WDR93: variants seen among roughly 807,000 people sequenced by gnomAD.
WDR93 encodes WD repeat domain 93, also known as WD repeat-containing protein 93.
In WDR93, 73 loss-of-function variants were observed where a neutral mutation model predicts 82.9. The observed-to-expected ratio is 0.88, with a 90% CI of 0.73 to 1.07. The LOEUF (loss-of-function observed/expected upper bound fraction) is 1.07, where lower values mean the gene tolerates loss of function less well. Ranked by LOEUF, WDR93 falls within the 50% of genes least tolerant of loss-of-function variation. The pLI is 0.00. For missense variants in WDR93, 738 were observed against 826.0 expected (o/e 0.89, Z 1.31); for synonymous variants, 283 against 300.1 (o/e 0.94, Z 0.59).
intron 14 of WDR93, among the ~76,000 whole-genome samples, chr15:89,737,197 T>G (rs1185617492): frequency 1.3e-5 from 2 of 152,156 alleles, no homozygotes; most frequent in South Asian, 2.1e-4. Flanking sequence ...GAGGGGCTGT[T>G]AGATTGAGCA....
intron 1 of WDR93, among the ~76,000 whole-genome samples, chr15:89,694,967 G>C (rs1248483232): frequency 6.6e-6 from 1 of 152,086 alleles, no homozygotes; most frequent in Admixed American, 6.6e-5. Context: ...CTTTGTGCTT[G>C]TGTCAAAAAT....
chr15:89,717,123 G>A (rs1442470905), intron 7 of WDR93, among the ~76,000 whole-genome samples, 174 bp downstream of exon 7: 7 of 139,492 alleles, frequency 5.0e-5, no homozygotes, highest in Admixed American at 3.8e-4. Flanking sequence ...GCAATGGAGC[G>A]ATCTTGGCTC....
In WDR93 at chr15:89,735,857, C is replaced by T. The variant is rs1168247444; in HGVS notation, c.1608+304C>T. 2.0e-5 allele frequency among the ~76,000 whole-genome samples: 3 copies of T among 152,112 alleles called. No homozygotes were observed. In the East Asian group the frequency reaches 5.8e-4, roughly 29 times the overall value. ...TAACTCAACCTGCAGAAGTTGGCAG[C>T]AGGGGAGGACTGTGTTTTCTGGAGG... On this transcript the variant is annotated intron_variant, in intron 14 of 16. Transcript: ENST00000268130.
At chr15:89,735,626 T>C in intron 14 of WDR93, 73 bp downstream of exon 14, 3 of 1,490,194 alleles carry the variant, frequency 2.0e-6, no homozygotes, top group Non-Finnish European at 2.8e-6. Flanking sequence ...TCATCTGTCC[T>C]TTAGAAAATG....
At chr15:89,703,227 G>A in intron 3 of WDR93, 85 bp downstream of exon 3, 1 of 1,476,056 alleles carries the variant, frequency 6.8e-7, no homozygotes, top group Non-Finnish European at 9.4e-7. Context: ...AGGTATTGGT[G>A]GGGCCAGGCA....
intron 14 of WDR93, 110 bp downstream of exon 14, chr15:89,735,663 G>A: frequency 9.1e-7 from 1 of 1,101,250 alleles, no homozygotes; most frequent in South Asian, 1.3e-5. Context: ...TATGTGTTAG[G>A]CACTGGACTA....
intron 1 of WDR93, among the ~76,000 whole-genome samples, chr15:89,700,455 A>G (rs1845329020): frequency 6.6e-6 from 1 of 152,082 alleles, no homozygotes; most frequent in African/African-American, 2.4e-5. Flanking sequence ...ACCCTACTCC[A>G]CTATATATTA....
intron 16 of WDR93, 53 bp from the exon 17 acceptor site, chr15:89,743,239 G>C (rs1485903804): frequency 3.1e-6 from 5 of 1,594,108 alleles, no homozygotes; most frequent in Middle Eastern, 3.3e-4. Context: ...TGGGGGCTCG[G>C]GAGCTGGGGA....
intron 7 of WDR93, chr15:89,721,149 C>A (rs912542805): frequency 6.6e-6 from 1 of 152,148 alleles, no homozygotes; most frequent in African/African-American, 2.4e-5. Flanking sequence ...TCTTTTGATT[C>A]ATTTTAGCAA....
chr15:89,705,376 A>G, intron 3 of WDR93, 178 bp from the exon 4 acceptor site: 1 of 619,198 alleles, frequency 1.6e-6, no homozygotes, highest in Non-Finnish European at 2.9e-6. Flanking sequence ...CCGAACATTC[A>G]AGAGGGGTGG....
chr15:89,718,020 G>A lies in WDR93; in HGVS notation c.795+1071G>A, dbSNP rs747700341. ...TGAACTTCTGAAGTGGAAGTATCTC[G>A]CTAGAGCCCCTTCTTTTTTCCCTTT... On this transcript the variant is annotated intron_variant, in intron 7 of 16. Coordinates refer to ENST00000268130, the MANE Select transcript of WDR93 (RefSeq NM_020212.2). 3.9e-5 allele frequency among the ~76,000 whole-genome samples: 6 copies of A among 152,120 alleles called. No individual in the cohort carries two copies. The East Asian group carries it at 5.8e-4, about 15-fold the overall frequency.
At chr15:89,734,011 G>A (rs1966959118) in intron 13 of WDR93, among the ~76,000 whole-genome samples, 1 of 151,516 alleles carries the variant, frequency 6.6e-6, no homozygotes, top group South Asian at 2.1e-4. Context: ...GTGTGTGTGT[G>A]TGCGCGCGCG....
intron 8 of WDR93, 50 bp from the exon 9 acceptor site, chr15:89,727,107 G>A: frequency 1.3e-6 from 2 of 1,582,230 alleles, no homozygotes; most frequent in Non-Finnish European, 1.7e-6. Context: ...GGAAAATCAG[G>A]AAAGGGGGAG....
rs763997960 is a variant in WDR93, at chr15:89,701,896, G to T, written c.150G>T (p.Leu50=). The part of the protein sequence containing the change: ...DHVLVDPDEE[L]DSLPQPYRMI... ...TCCTCGTGGATCCAGATGAGGAGCT[G>T]GATTCCTTGCCTCAGCCTTATCGAA... The change falls in exon 2 of 17, where the codon CTG becomes CTT. Residue 50 remains leucine (L), a synonymous_variant. Transcript: ENST00000268130. 4.3e-6 allele frequency: 7 copies of T among 1,614,066 alleles called. No homozygotes were observed. In the African/African-American group the frequency reaches 9.3e-5, roughly 22 times the overall value.
At chr15:89,702,864 G>C (rs1596072612) in intron 2 of WDR93, 86 bp from the exon 3 acceptor site, 1 of 1,367,934 alleles carries the variant, frequency 7.3e-7, no homozygotes, top group East Asian at 2.5e-5. Context: ...TATCTAGGAA[G>C]GGCCCCTGAA....
Position 89,737,716 on chromosome 15 carries a change from T to C in WDR93, c.1752T>C (p.Cys584=). 1 of 1,614,210 alleles carries C rather than the reference T, an allele frequency of 6.2e-7. No homozygotes were observed. The highest frequency in any genetic ancestry group is 8.5e-7 in the Non-Finnish European group (1 of 1,180,030). ...TTGCTGTGTCTCCAGACCATCCATG[T>C]TTCCTGCTCCGAGGTACAGAAAGGG... The part of the protein sequence containing the change: ...PVFAVSPDHP[C]FLLRGDYSHE... The change falls in exon 15 of 17, where the codon TGT becomes TGC. Residue 584 remains cysteine, a synonymous_variant. Transcript: ENST00000268130.
chr15:89,725,956 C>T (rs1966720984), intron 8 of WDR93, among the ~76,000 whole-genome samples: 1 of 152,038 alleles, frequency 6.6e-6, no homozygotes, highest in Non-Finnish European at 1.5e-5. Context: ...ATGCTCTTTT[C>T]AGAATGTATG....
rs115210436 is a variant in WDR93 at position 89,698,204 on chromosome 15, G to A, written c.-40-3503G>A. 6.6e-3 allele frequency among the ~76,000 whole-genome samples: 1,009 copies of A among 152,186 alleles called. 9 individuals carry two copies. Among genetic ancestry groups the A allele is most frequent in the African/African-American group, 0.023 (967 of 41,530 alleles). ...CGGCCCACTTTTATCATTATTAAAT[G>A]AACTTCTTTATCGCAGGTAATATTC... On this transcript the variant is annotated intron_variant, in intron 1 of 16. Transcript: ENST00000268130.
chr15:89,716,984 T>A, intron 7 of WDR93, 35 bp downstream of exon 7: 1 of 1,298,020 alleles, frequency 7.7e-7, no homozygotes, highest in East Asian at 2.6e-5. Flanking sequence ...CAGAGAGACT[T>A]AAGTTTGTAT....
Sources: allele counts gnomAD v4.1 joint callset (sites outside exome capture counted in the v4.1 genomes callset), GRCh38; gene constraint gnomAD v4.1.1; transcripts MANE v1.5; gene names NCBI Gene and HGNC (gene_info 2026-07-23, HGNC 2026-07-21).